The following ZNF524 variants were observed in gnomAD, a reference collection of about 807,000 sequenced individuals.
ZNF524 encodes zinc finger protein 524.
For missense variants in ZNF524, 388 were observed against 380.1 expected (o/e 1.02, Z -0.17); for synonymous variants, 194 against 166.3 (o/e 1.17, Z -1.28).
At position 55,602,986 on chromosome 19, in the gene ZNF524, C is replaced by T. The variant is rs1008260755; in HGVS notation, c.*79C>T. ...TGGTGCTGGGCCTGAGCCAGGGGGC[C>T]GGGACACCCTTGTTTCCGGTGGTCT... On this transcript the variant is annotated 3_prime_UTR_variant, in exon 2 of 2. Transcript: ENST00000301073. 1 of 1,431,026 alleles carries T rather than the reference C, an allele frequency of 7.0e-7. No homozygotes were observed. Among genetic ancestry groups the T allele is most frequent in the Non-Finnish European group, 9.3e-7 (1 of 1,078,638 alleles). 88.6% of individuals were successfully genotyped at this position (1,431,026 alleles called of 1,614,324 possible).
rs1014162803 is a variant in ZNF524 at position 55,602,465 on chromosome 19, T to C, written c.353T>C (p.Val118Ala). 10 of 1,598,818 alleles carry C rather than the reference T, an allele frequency of 6.3e-6. No individual in the cohort carries two copies. The highest frequency in any genetic ancestry group is 8.5e-6 in the Non-Finnish European group (10 of 1,177,254). Residue 118 changes from valine (V) to alanine (A), a missense_variant, in exon 2 of 2, where the codon GTG becomes GCG. Val to Ala is a moderately conservative substitution (Grantham distance 64, BLOSUM62 0). Transcript: ENST00000301073. Reference protein sequence around the residue: ...GPRKAPHFCPVCLRAFPYLSD... With the variant: ...GPRKAPHFCPACLRAFPYLSD... ...AGGAAGGCCCCACACTTCTGCCCGG[T>C]GTGCCTGCGGGCCTTCCCCTACCTC...
rs750879515 is a variant in ZNF524 at position 55,602,804 on chromosome 19, C to T, written c.692C>T (p.Ala231Val). The T allele has an allele frequency of 1.1e-5, 17 of 1,611,042 alleles. No individual in the cohort carries two copies. The highest frequency in any genetic ancestry group is 1.4e-5 in the Non-Finnish European group (16 of 1,179,682). The change falls in exon 2 of 2, where the codon GCA becomes GTA. Residue 231 changes from alanine (A) to valine (V), a missense_variant. Transcript: ENST00000301073. ...GAGGCCATGGGGGTACCCCTGTGTG[C>T]ACCAGATCCAGGGTCTGAACCGCCG... is the stretch of plus-strand genomic sequence containing the variant. ...HPEAMGVPLC[A>V]PDPGSEPPWD...
chr19:55,602,442 G>A lies in ZNF524; in HGVS notation c.330G>A (p.Arg110=), dbSNP rs767513397. The part of the protein sequence containing the change: ...SAAGPEGSGP[R]KAPHFCPVCL... ...CTGGGCCTGAGGGCTCTGGCCCCAG[G>A]AAGGCCCCACACTTCTGCCCGGTGT... The change falls in exon 2 of 2, where the codon AGG becomes AGA. Residue 110 remains arginine (R), a synonymous_variant. Coordinates refer to ENST00000301073, the MANE Select transcript of ZNF524 (RefSeq NM_153219.4). 6.3e-7 allele frequency: 1 copy of A among 1,595,114 alleles called. No homozygotes were observed. The highest frequency in any genetic ancestry group is 1.3e-5 in the African/African-American group (1 of 74,638).
chr19:55,603,104 G>A lies in ZNF524; in HGVS notation c.*197G>A. On this transcript the variant is annotated 3_prime_UTR_variant, in exon 2 of 2. Transcript: ENST00000301073. ...CCCCCAGACTAACAGACCCTTGGAG[G>A]CAGGGGCTGTGGAAATAAATCTCTG... 3 of 643,890 alleles carry A rather than the reference G, an allele frequency of 4.7e-6. No individual in the cohort carries two copies. The highest frequency in any genetic ancestry group is 8.1e-6 in the Non-Finnish European group (3 of 372,348). The allele number at this position is 643,890 out of a possible 1,614,324, so 39.9% of individuals were successfully genotyped here.
At chr19:55,599,961 A>T (rs1239859541), upstream of ZNF524, 1 of 152,238 alleles carries the variant, frequency 6.6e-6, no homozygotes, top group African/African-American at 2.4e-5. Context: ...ATGGGCTTCG[A>T]AGCCTGTCCG....
Position 55,602,609 on chromosome 19 carries a change from G to A in ZNF524, c.497G>A (p.Gly166Asp). ...HLRRHCNIHA[G>D]LRPFRCPLCP... ...CGGCGGCACTGCAACATCCATGCCG[G>A]CCTGCGGCCCTTCCGCTGCCCGCTG... Residue 166 changes from glycine to aspartate, a missense_variant, in exon 2 of 2, where the codon GGC (glycine) becomes GAC (aspartate). Gly to Asp is a moderately conservative substitution (Grantham distance 94). Transcript: ENST00000301073. 1 of 1,580,550 alleles carries A rather than the reference G, an allele frequency of 6.3e-7. No homozygotes were observed. Among genetic ancestry groups the A allele is most frequent in the Admixed American group, 1.8e-5 (1 of 56,942 alleles).
chr19:55,602,723 G>T lies in ZNF524; in HGVS notation c.611G>T (p.Arg204Leu). 1 of 1,605,528 alleles carries T rather than the reference G, an allele frequency of 6.2e-7. No individual in the cohort carries two copies. Among genetic ancestry groups the T allele is most frequent in the Non-Finnish European group, 8.5e-7 (1 of 1,179,742 alleles). The change falls in exon 2 of 2, where the codon CGG (arginine) becomes CTG (leucine). Residue 204 changes from arginine to leucine, a missense_variant. Coordinates refer to ENST00000301073, the MANE Select transcript of ZNF524 (RefSeq NM_153219.4). ...CGCCCGTACCAGTGCCCCATCTGCCGGCTGCGCTTTACAGAGGCCAACACG... is the reference window on the plus strand; with the variant it reads ...CGCCCGTACCAGTGCCCCATCTGCCTGCTGCGCTTTACAGAGGCCAACACG... ...GERPYQCPIC[R>L]LRFTEANTLR...
intron 1 of ZNF524, 72 bp downstream of exon 1, chr19:55,600,480 G>T: frequency 6.9e-6 from 1 of 145,450 alleles, no homozygotes; most frequent in Admixed American, 6.8e-5. Flanking sequence ...GCGCGCTCCC[G>T]GAGCGCGCCT....
In ZNF524 at chr19:55,602,736, A is replaced by T. The variant is rs781511368; in HGVS notation, c.624A>T (p.Thr208=). The change falls in exon 2 of 2, where the codon ACA becomes ACT. Residue 208 remains threonine (T), a synonymous_variant. Coordinates refer to ENST00000301073, the MANE Select transcript of ZNF524 (RefSeq NM_153219.4). ...GCCCCATCTGCCGGCTGCGCTTTACAGAGGCCAACACGCTCCGGCGCCATG... is the reference window on the plus strand; with the variant it reads ...GCCCCATCTGCCGGCTGCGCTTTACTGAGGCCAACACGCTCCGGCGCCATG... ...YQCPICRLRF[T]EANTLRRHAK... 1.9e-6 allele frequency: 3 copies of T among 1,607,328 alleles called. No individual in the cohort carries two copies. Among genetic ancestry groups the T allele is most frequent in the Admixed American group, 3.3e-5 (2 of 59,978 alleles).
In ZNF524 at chr19:55,602,059, C is replaced by A; in HGVS notation, c.-38-16C>A. The A allele has an allele frequency of 6.7e-7, 1 of 1,487,912 alleles. No homozygotes were observed. Among genetic ancestry groups the A allele is most frequent in the Non-Finnish European group, 9.0e-7 (1 of 1,110,216 alleles). 92.2% of individuals were successfully genotyped at this position (1,487,912 alleles called of 1,614,324 possible). On this transcript the variant is annotated splice_polypyrimidine_tract_variant and intron_variant, in intron 1 of 1. Coordinates refer to ENST00000301073, the MANE Select transcript of ZNF524 (RefSeq NM_153219.4). Reference sequence around the variant, plus strand: ...TAGACCCTGTGAGCACTGACTCTGCCCCTCTCTCCTCTTAGCTGGCTCCAG... The same window carrying A: ...TAGACCCTGTGAGCACTGACTCTGCACCTCTCTCCTCTTAGCTGGCTCCAG...
In ZNF524 at chr19:55,602,135, C is replaced by A. The variant is rs141376459; in HGVS notation, c.23C>A (p.Pro8Gln). The change falls in exon 2 of 2, where the codon CCG (proline) becomes CAG (glutamine). Residue 8 changes from proline to glutamine, a missense_variant. By Grantham distance (76) the Pro-to-Gln change is moderately conservative. Transcript: ENST00000301073. ...TCAATGGACACCCCCAGCCCAGACC[C>A]GTTGCCTTCGCCTTTGCCCGGGGAG... is the stretch of plus-strand genomic sequence containing the variant. MDTPSPD[P>Q]LPSPLPGEEE... 6.4e-7 allele frequency: 1 copy of A among 1,553,560 alleles called. No homozygotes were observed. Among genetic ancestry groups the A allele is most frequent in the African/African-American group, 1.4e-5 (1 of 73,334 alleles).
rs1290154786 is a variant in ZNF524, at chr19:55,602,420, G to A, written c.308G>A (p.Gly103Glu). 1 of 1,591,366 alleles carries A rather than the reference G, an allele frequency of 6.3e-7. No individual in the cohort carries two copies. ...ACGGTCTCTGAAGGTTCAGCGGCTG[G>A]GCCTGAGGGCTCTGGCCCCAGGAAG... ...PYTVSEGSAA[G>E]PEGSGPRKAP... Residue 103 changes from glycine to glutamate, a missense_variant, in exon 2 of 2, where the codon GGG (glycine) becomes GAG (glutamate). Gly to Glu is a moderately conservative substitution (Grantham distance 98). Transcript: ENST00000301073.
rs748683002 is a variant in ZNF524 at position 55,602,408 on chromosome 19, G to T, written c.296G>T (p.Gly99Val). Residue 99 changes from glycine to valine, a missense_variant, in exon 2 of 2, where the codon GGT (glycine) becomes GTT (valine). Coordinates refer to ENST00000301073, the MANE Select transcript of ZNF524 (RefSeq NM_153219.4). ...GGTGTGCCCTATACGGTCTCTGAAG[G>T]TTCAGCGGCTGGGCCTGAGGGCTCT... Reference protein sequence around the residue: ...DQGVPYTVSEGSAAGPEGSGP... With the variant: ...DQGVPYTVSEVSAAGPEGSGP... 1.9e-6 allele frequency: 3 copies of T among 1,586,762 alleles called. No individual in the cohort carries two copies. Among genetic ancestry groups the T allele is most frequent in the South Asian group, 2.3e-5 (2 of 87,722 alleles).
At position 55,602,887 on chromosome 19, in the gene ZNF524, G is replaced by C. The variant is rs1018235875; in HGVS notation, c.775G>C (p.Gly259Arg). 1 of 1,583,676 alleles carries C rather than the reference G, an allele frequency of 6.3e-7. No homozygotes were observed. Among genetic ancestry groups the C allele is most frequent in the Admixed American group, 1.9e-5 (1 of 54,038 alleles). Residue 259 changes from glycine to arginine, a missense_variant, in exon 2 of 2, where the codon GGG (glycine) becomes CGG (arginine). Transcript: ENST00000301073. ...AGAEEEEETE[G>R]KGEPA ...GGCCGAGGAGGAGGAGGAGACAGAG[G>C]GGAAAGGGGAGCCGGCCTGACCCAC...
rs1980765016 is a variant in ZNF524, at chr19:55,602,791, G to GTAC, written c.680_682dup (p.Val227_Pro228insLeu). 6.2e-7 allele frequency: 1 copy of GTAC among 1,611,008 alleles called. No homozygotes were observed. On this transcript the variant is annotated inframe_insertion, in exon 2 of 2. Transcript: ENST00000301073. ...GCGCAAGCACCCGGAGGCCATGGGG[G>GTAC]TACCCCTGTGTGCACCAGATCCAGG...
intron 1 of ZNF524, chr19:55,600,610 C>A (rs1484305309): frequency 6.6e-6 from 1 of 152,004 alleles, no homozygotes; most frequent in Non-Finnish European, 1.5e-5. Flanking sequence ...TTGGCCGTCG[C>A]CCCCGCAGGG....
Sources: gnomAD v4.1 joint callset for allele counts on GRCh38, gnomAD v4.1.1 for gene constraint, MANE v1.5 for transcripts, NCBI Gene and HGNC (gene_info 2026-07-23, HGNC 2026-07-21) for gene names.